ACOT1: variants seen among roughly 807,000 people sequenced by gnomAD.
ACOT1 encodes acyl-CoA thioesterase 1, also known as acyl-coenzyme A thioesterase 1.
Under a neutral mutation model 15.7 loss-of-function variants are expected in ACOT1, and 8 were observed. That is an observed-to-expected ratio of 0.51 (90% CI 0.30 to 0.92). The LOEUF (loss-of-function observed/expected upper bound fraction) is 0.92, where lower values mean the gene tolerates loss of function less well. ACOT1 is among the 40% of genes least tolerant of loss of function. The pLI is 0.06. For missense variants in ACOT1, 151 were observed against 539.4 expected, an observed-to-expected ratio of 0.28 and a Z score of 7.13; for synonymous variants, 67 against 241.2, an observed-to-expected ratio of 0.28 and a Z score of 6.69.
rs1889018955 is a variant in ACOT1 at position 73,539,909 on chromosome 14, G to A, written c.458-1584G>A. The A allele has an allele frequency of 1.7e-5, 2 of 116,010 alleles. 1 individual carries two copies. The highest frequency in any genetic ancestry group is 5.5e-4 in the South Asian group (2 of 3,668). 7.2% of individuals were successfully genotyped at this position (116,010 alleles called of 1,614,324 possible). A position where few individuals can be genotyped will look rare whatever the true frequency, so the allele number is the denominator to read the frequency against. ...AGTATGTTAAGGTTTATGTAAATTA[G>A]CATTTACAATAGGAAAGCCTCTTCC... On this transcript the variant is annotated intron_variant, in intron 1 of 2. Coordinates refer to ENST00000311148, the MANE Select transcript of ACOT1 (RefSeq NM_001037161.2).
chr14:73,525,119 T>G, the ACOT1 span, among the ~76,000 whole-genome samples: 8 of 152,120 alleles, frequency 5.3e-5, no homozygotes, highest in East Asian at 1.5e-3. Context: ...AGCCTCAACC[T>G]CCTGGGCCCA....
the ACOT1 span, chr14:73,499,256 G>A: frequency 3.2e-5 from 27 of 843,914 alleles, no homozygotes; most frequent in African/African-American, 2.0e-4. Context: ...CAAGGTGGGC[G>A]GATCACTTGA....
the ACOT1 span, chr14:73,493,018 T>C: frequency 9.1e-6 from 12 of 1,315,146 alleles, no homozygotes; most frequent in Non-Finnish European, 1.3e-5. Context: ...TTTTTTTTCC[T>C]TAAACTCACG....
the ACOT1 span, chr14:73,513,931 A>G: frequency 1.7e-5 from 21 of 1,246,052 alleles, no homozygotes; most frequent in Middle Eastern, 2.9e-3. Context: ...TTTACATTTC[A>G]CAAAGGAGGG....
the ACOT1 span, chr14:73,495,341 T>G: frequency 6.2e-7 from 1 of 1,614,042 alleles, no homozygotes; most frequent in Non-Finnish European, 8.5e-7. Flanking sequence ...CATCTCCAGC[T>G]TGAGTATTTT....
At chr14:73,531,142 A>G in the ACOT1 span, 3 of 112,982 alleles carry the variant, frequency 2.7e-5, 1 homozygote, top group Admixed American at 3.1e-4. Context: ...CAGTGTTTCA[A>G]AATTACTTTC....
chr14:73,500,681 G>C, the ACOT1 span: 5 of 1,614,030 alleles, frequency 3.1e-6, no homozygotes, highest in East Asian at 2.2e-5. Flanking sequence ...TCACCTATCA[G>C]GTAGAGAGCT....
the ACOT1 span, among the ~76,000 whole-genome samples, chr14:73,496,908 G>C: frequency 2.6e-5 from 4 of 152,162 alleles, no homozygotes; most frequent in Non-Finnish European, 5.9e-5. Context: ...TTGTTTTTGC[G>C]AGATGGAGTC....
At chr14:73,501,569 CT>C in the ACOT1 span, among the ~76,000 whole-genome samples, 8,620 of 108,176 alleles carry the variant, frequency 0.08, 288 homozygotes, top group Non-Finnish European at 0.13. Context: ...GTCTCTCTCT[CT>C]TTTTTTTTTT....
chr14:73,524,897 T>G, the ACOT1 span, among the ~76,000 whole-genome samples: 16 of 152,210 alleles, frequency 1.1e-4, no homozygotes, highest in African/African-American at 3.9e-4. Context: ...TTGTTTCTCT[T>G]TACTCCTTAA....
In ACOT1 at chr14:73,537,151, A is replaced by G. The variant is rs1348864775; in HGVS notation, c.-271A>G. 8.7e-6 allele frequency: 3 copies of G among 346,008 alleles called. No individual in the cohort carries two copies. Among genetic ancestry groups the G allele is most frequent in the South Asian group, 3.4e-5 (1 of 29,704 alleles). The allele number at this position is 346,008 out of a possible 1,614,324, so 21.4% of individuals were successfully genotyped here. The stretch of plus-strand genomic sequence containing the variant: ...CAGTCCTGGCCCAGCCCATTCCGCG[A>G]GCCAGCAAGCTTCTGAAAAGCAAAC... On this transcript the variant is annotated 5_prime_UTR_variant, in exon 1 of 3. Transcript: ENST00000311148.
At chr14:73,492,461 C>T in the ACOT1 span, 2 of 1,613,476 alleles carry the variant, frequency 1.2e-6, no homozygotes, top group Non-Finnish European at 1.7e-6. The surrounding 1 kb of genome is among the most constrained non-coding windows in gnomAD (Gnocchi z 4.9). Context: ...GGAGAAGGTG[C>T]GGGTCTTGGT....
At chr14:73,507,521 C>T in the ACOT1 span, among the ~76,000 whole-genome samples, 3 of 152,050 alleles carry the variant, frequency 2.0e-5, no homozygotes, top group Non-Finnish European at 4.4e-5. Flanking sequence ...GCAGCCCCAA[C>T]CTGCCAGGCT....
At chr14:73,522,583 G>C in the ACOT1 span, 1 of 1,614,204 alleles carries the variant, frequency 6.2e-7, no homozygotes, top group Non-Finnish European at 8.5e-7. Flanking sequence ...GCAGAAGCCA[G>C]GCTTCTCTTT....
At chr14:73,519,206 T>C in the ACOT1 span, 1 of 1,566,050 alleles carries the variant, frequency 6.4e-7, no homozygotes, top group Non-Finnish European at 8.7e-7. Flanking sequence ...ATAACCTCCC[T>C]ATTTCCTTTC....
the ACOT1 span, chr14:73,514,380 G>A: frequency 1.5e-6 from 1 of 676,268 alleles, no homozygotes; most frequent in Non-Finnish European, 2.5e-6. Flanking sequence ...ATGATTATAT[G>A]GGGAACTGAG....
At chr14:73,524,054 G>A in the ACOT1 span, among the ~76,000 whole-genome samples, 1 of 151,882 alleles carries the variant, frequency 6.6e-6, no homozygotes, top group Non-Finnish European at 1.5e-5. Flanking sequence ...ACTTTGGGAG[G>A]CCGAGGTGGG....
chr14:73,504,255 T>TG, the ACOT1 span, among the ~76,000 whole-genome samples: 1 of 151,568 alleles, frequency 6.6e-6, no homozygotes, highest in East Asian at 1.9e-4. Flanking sequence ...TTTTTTTTTT[T>TG]TTTTTGAGAC....
chr14:73,514,100 C>T, the ACOT1 span: 289 of 1,614,212 alleles, frequency 1.8e-4, 3 homozygotes, highest in Middle Eastern at 5.9e-3. Flanking sequence ...GTCACATCCT[C>T]CTGCAGTGAT....
Sources: allele counts gnomAD v4.1 joint callset (sites outside exome capture counted in the v4.1 genomes callset), GRCh38; gene constraint gnomAD v4.1.1; non-coding constraint Gnocchi (gnomAD v3.1); transcripts MANE v1.5; gene names NCBI Gene and HGNC (gene_info 2026-07-23, HGNC 2026-07-21).